C3orf33: variants seen among roughly 807,000 people sequenced by gnomAD.
The protein encoded by C3orf33 is mitochondrial inner membrane subdomain organizer 1, also known as AP-1 activity suppressor.
Under a neutral mutation model 28.7 loss-of-function variants are expected in C3orf33, and 23 were observed. The observed-to-expected ratio is 0.80, with a 90% CI of 0.58 to 1.13. The LOEUF is 1.13. Ranked by LOEUF, C3orf33 falls within the 50% of genes most tolerant of loss-of-function variation. C3orf33 has a pLI of 0.00. For missense variants in C3orf33, 327 were observed against 353.4 expected (o/e 0.93, Z 0.60); for synonymous variants, 119 against 120.5 (o/e 0.99, Z 0.08).
chr3:155,780,579 G>C (rs2109262876), intron 2 of C3orf33, among the ~76,000 whole-genome samples: 1 of 152,180 alleles, frequency 6.6e-6, no homozygotes, highest in South Asian at 2.1e-4. Flanking sequence ...AGGAATATAA[G>C]AACTTGATAA....
chr3:155,801,727 T>C (rs540066463), intron 2 of C3orf33, among the ~76,000 whole-genome samples: 2 of 151,718 alleles, frequency 1.3e-5, no homozygotes, highest in Admixed American at 6.6e-5. Flanking sequence ...GAAAGGGAAG[T>C]TGGAGTTATT....
chr3:155,802,609 A>G lies in C3orf33; in HGVS notation c.115-18T>C. The G allele has an allele frequency of 6.3e-7, 1 of 1,579,558 alleles. No homozygotes were observed. Among genetic ancestry groups the G allele is most frequent in the East Asian group, 2.3e-5 (1 of 43,826 alleles). On this transcript the variant is annotated intron_variant, in intron 1 of 4. Transcript: ENST00000340171. The stretch of plus-strand genomic sequence containing the variant: ...CTGATGTTCTACAGAAAGAGATTTA[A>G]GGGTTAACCCTCACTAATTATTAGT...
intron 2 of C3orf33, among the ~76,000 whole-genome samples, chr3:155,777,789 A>C (rs1253644316): frequency 6.6e-6 from 1 of 152,160 alleles, no homozygotes. Context: ...CAGATTATAG[A>C]ACATATTACA....
chr3:155,767,781 C>T (rs754443450), intron 3 of C3orf33, 112 bp from the exon 4 acceptor site: 476 of 672,836 alleles, frequency 7.1e-4, no homozygotes, highest in Non-Finnish European at 9.9e-4. Context: ...TTTATAAATA[C>T]CCAGTCTCTC....
intron 2 of C3orf33, among the ~76,000 whole-genome samples, chr3:155,795,829 G>T (rs1751460329): frequency 6.6e-6 from 1 of 151,864 alleles, no homozygotes; most frequent in Non-Finnish European, 1.5e-5. Flanking sequence ...GGTGGTGCAT[G>T]CCTGTAATCC....
At chr3:155,781,047 G>C in intron 2 of C3orf33, among the ~76,000 whole-genome samples, 1 of 150,264 alleles carries the variant, frequency 6.7e-6, no homozygotes, top group Non-Finnish European at 1.5e-5. Context: ...TGGGACTGCG[G>C]ACTGCAGTGG....
chr3:155,763,443 A>T lies in C3orf33; in HGVS notation c.*74T>A, dbSNP rs1464581138. 4 of 1,161,696 alleles carry T rather than the reference A, an allele frequency of 3.4e-6. No individual in the cohort carries two copies. Among genetic ancestry groups the T allele is most frequent in the Non-Finnish European group, 4.5e-6 (4 of 885,070 alleles). The allele number at this position is 1,161,696 out of a possible 1,614,324, so 72.0% of individuals were successfully genotyped here. ...ATCATTTGGCAAAACTTCCATTTTG[A>T]TTCAATGAAAAACGTCCATATATTT... is the stretch of plus-strand genomic sequence containing the variant. On this transcript the variant is annotated 3_prime_UTR_variant, in exon 5 of 5. Transcript: ENST00000340171.
intron 2 of C3orf33, among the ~76,000 whole-genome samples, chr3:155,787,423 C>T (rs2109269462): frequency 6.7e-6 from 1 of 150,154 alleles, no homozygotes; most frequent in African/African-American, 2.5e-5. Flanking sequence ...GATCTCGGCT[C>T]ACTGTGCAAC....
chr3:155,802,536 C>A lies in C3orf33; in HGVS notation c.170G>T (p.Arg57Leu), dbSNP rs1447640415. 1.2e-6 allele frequency: 2 copies of A among 1,601,216 alleles called. No individual in the cohort carries two copies. The highest frequency in any genetic ancestry group is 1.1e-5 in the South Asian group (1 of 88,372). The change falls in exon 2 of 5, where the codon CGA (arginine) becomes CTA (leucine). Residue 57 changes from arginine to leucine, a missense_variant. Transcript: ENST00000340171. ...CTTTTTCATTTTTTAACTTACCAGT[C>A]GAATGCTTCTCAAAAGTAACATTAT... ...AGIMLLLRSI[R>L]LTSKFTSSSD... is the part of the protein sequence containing the mutation.
At chr3:155,793,576 G>A (rs112272145) in intron 2 of C3orf33, among the ~76,000 whole-genome samples, 2,755 of 151,908 alleles carry the variant, frequency 0.018, 68 homozygotes, top group African/African-American at 0.063. Context: ...TTGGGAGGCC[G>A]AGGAGGGCAG....
intron 1 of C3orf33, chr3:155,805,859 T>C (rs1388072494): frequency 1.9e-6 from 1 of 528,858 alleles, no homozygotes; most frequent in Non-Finnish European, 3.4e-6. Context: ...ATCCCCGAGC[T>C]GGGCTGCGTC....
At chr3:155,790,719 A>G (rs919994494) in intron 2 of C3orf33, among the ~76,000 whole-genome samples, 1 of 152,214 alleles carries the variant, frequency 6.6e-6, no homozygotes, top group Admixed American at 6.5e-5. Context: ...CTGTTACAGC[A>G]GAAAGCAACA....
intron 2 of C3orf33, among the ~76,000 whole-genome samples, chr3:155,798,074 GAAAA>G (rs34314152): frequency 7.6e-6 from 1 of 132,424 alleles, no homozygotes; most frequent in African/African-American, 3.0e-5. Flanking sequence ...CTGTCTCAAA[GAAAA>G]AAAAAAAAAA....
chr3:155,763,714 T>G lies in C3orf33; in HGVS notation c.688A>C (p.Lys230Gln), dbSNP rs1254381039. The G allele has an allele frequency of 1.9e-6, 3 of 1,595,644 alleles. No homozygotes were observed. The highest frequency in any genetic ancestry group is 1.7e-6 in the Non-Finnish European group (2 of 1,175,542). ...TTCCATATTTCTCTCCAGGAATCTT[T>G]GAATTTTTCTAAGTAACTTTCTTTT... The part of the protein sequence containing the change: ...SEKESYLEKF[K>Q]DSWREIWKKD... The change falls in exon 5 of 5, where the codon AAA becomes CAA. Residue 230 changes from lysine to glutamine, a missense_variant. Lys to Gln is a moderately conservative substitution (Grantham distance 53). Transcript: ENST00000340171.
intron 3 of C3orf33, among the ~76,000 whole-genome samples, chr3:155,773,728 T>C (rs951327540): frequency 2.6e-5 from 4 of 152,220 alleles, no homozygotes; most frequent in African/African-American, 2.4e-5. Context: ...AGACATGCAA[T>C]GCATAGCCTG....
intron 3 of C3orf33, among the ~76,000 whole-genome samples, chr3:155,773,648 A>G (rs1269454629): frequency 6.6e-6 from 1 of 152,240 alleles, no homozygotes; most frequent in Non-Finnish European, 1.5e-5. Context: ...TAAAAATCAT[A>G]CATGGCAATT....
At chr3:155,785,136 C>T (rs114602898) in intron 2 of C3orf33, among the ~76,000 whole-genome samples, 2,203 of 151,644 alleles carry the variant, frequency 0.015, 27 homozygotes, top group South Asian at 0.039. Flanking sequence ...AAAAAAAGGA[C>T]ATTATATATT....
intron 2 of C3orf33, among the ~76,000 whole-genome samples, chr3:155,783,385 C>T (rs1750997792): frequency 6.6e-6 from 1 of 151,876 alleles, no homozygotes; most frequent in Admixed American, 6.6e-5. Flanking sequence ...GAACTCCTGA[C>T]CTCAGGTGAT....
rs1330557690 is a variant in C3orf33 at position 155,762,972 on chromosome 3, G to A, written c.*545C>T. ...GAAGTCAAGAGTTTGAGACCAGCCT[G>A]ACCAACATGGAGAAACCCCGTCTCT... On this transcript the variant is annotated 3_prime_UTR_variant, in exon 5 of 5. Coordinates refer to ENST00000340171, the MANE Select transcript of C3orf33 (RefSeq NM_001308229.2). The A allele has an allele frequency of 6.6e-6, 1 of 152,158 alleles. No homozygotes were observed. Among genetic ancestry groups the A allele is most frequent in the Non-Finnish European group, 1.5e-5 (1 of 68,122 alleles). The allele number at this position is 152,158 out of a possible 1,614,324, so 9.4% of individuals were successfully genotyped here. A position where few individuals can be genotyped will look rare whatever the true frequency, so the allele number is the denominator to read the frequency against.
Sources: gnomAD v4.1 joint callset for allele counts (sites outside exome capture counted in the v4.1 genomes callset) on GRCh38, gnomAD v4.1.1 for gene constraint, MANE v1.5 for transcripts, NCBI Gene and HGNC (gene_info 2026-07-23, HGNC 2026-07-21) for gene names.